The following MACF1 variants were observed in gnomAD, a reference collection of about 807,000 sequenced individuals.
MACF1 encodes the protein microtubule actin crosslinking factor 1.
Under a neutral mutation model 854.8 loss-of-function variants are expected in MACF1, and 193 were observed. The ratio of observed to expected loss-of-function variants is 0.23; its 90% CI spans 0.20 to 0.25. MACF1 has a LOEUF of 0.25. Ranked by LOEUF, MACF1 falls within the 10% of genes least tolerant of loss-of-function variation. The pLI, the probability that MACF1 is intolerant of heterozygous loss-of-function variation, is 1.00. For synonymous variants in MACF1, 3,185 were observed against 3,226.7 expected (o/e 0.99, Z 0.44); for missense variants, 7,722 against 8,929.1 (o/e 0.86, Z 5.45).
chr1:39,249,307 G>A (rs56383842), intron 2 of MACF1, among the ~76,000 whole-genome samples: 6,433 of 152,220 alleles, frequency 0.042, 212 homozygotes, highest in Non-Finnish European at 0.065. Context: ...TTTCCACTTG[G>A]TGACCTTGGG....
chr1:39,105,474 C>T lies in MACF1; in HGVS notation c.220+21036C>T. On this transcript the variant is annotated intron_variant, in intron 2 of 93. Coordinates refer to the MACF1 transcript ENST00000361689. The surrounding 1 kb of genome is among the most constrained non-coding windows in gnomAD (Gnocchi z 5.9). ...TGAGGAGCGGAGCGCGACTGCCGGG[C>T]CGGGCGAGGCGGGCGGACGGCGGAG... 1 of 1,009,402 alleles carries T rather than the reference C, an allele frequency of 9.9e-7. No individual in the cohort carries two copies. The highest frequency in any genetic ancestry group is 1.2e-6 in the Non-Finnish European group (1 of 846,948). 62.5% of individuals were successfully genotyped at this position (1,009,402 alleles called of 1,614,324 possible).
intron 1 of MACF1, among the ~76,000 whole-genome samples, chr1:39,218,182 C>CA (rs36113375): frequency 0.51 from 43,458 of 84,766 alleles, 12,185 homozygotes; most frequent in South Asian, 0.64. Context: ...GACTCCGTCT[C>CA]AAAAAAAAAA....
In MACF1 at chr1:39,105,443, G is replaced by C. The variant is rs1642204389; in HGVS notation, c.220+21005G>C. On this transcript the variant is annotated intron_variant, in intron 2 of 93. Transcript: ENST00000361689. The surrounding 1 kb of genome is among the most constrained non-coding windows in gnomAD (Gnocchi z 5.9). ...CGGAGCGCGAGCGGGCCGGGTGCGA[G>C]CGGACTGAGGAGCGGAGCGCGACTG... 1.0e-6 allele frequency: 1 copy of C among 994,456 alleles called. No homozygotes were observed. Among genetic ancestry groups the C allele is most frequent in the African/African-American group, 1.8e-5 (1 of 57,112 alleles). The allele number at this position is 994,456 out of a possible 1,614,324, so 61.6% of individuals were successfully genotyped here. A position where few individuals can be genotyped will look rare whatever the true frequency, so the allele number is the denominator to read the frequency against.
intron 2 of MACF1, among the ~76,000 whole-genome samples, chr1:39,117,060 G>A (rs1292315095): frequency 6.6e-6 from 1 of 152,138 alleles, no homozygotes; most frequent in East Asian, 1.9e-4. Context: ...GTTTATTTTG[G>A]CAGGCAGGCA....
intron 47 of MACF1, among the ~76,000 whole-genome samples, chr1:39,360,052 T>TATATATATATATAC (rs1197982446): frequency 4.0e-5 from 2 of 49,884 alleles, no homozygotes; most frequent in South Asian, 7.0e-4. Flanking sequence ...TATATATATA[T>TATATATATATATAC]ACACACACAC....
chr1:39,120,852 G>C (rs1642686396), intron 2 of MACF1: 1 of 152,180 alleles, frequency 6.6e-6, no homozygotes, highest in Non-Finnish European at 1.5e-5. Context: ...TACACTCTAA[G>C]TTATTTTAAA....
At chr1:39,243,228 C>G (rs1644945529) in intron 2 of MACF1, among the ~76,000 whole-genome samples, 1 of 152,142 alleles carries the variant, frequency 6.6e-6, no homozygotes, top group African/African-American at 2.4e-5. Flanking sequence ...ATTTATATAT[C>G]TTCTCTGGAC....
intron 2 of MACF1, among the ~76,000 whole-genome samples, chr1:39,085,643 G>A (rs1641652632): frequency 6.6e-6 from 1 of 152,000 alleles, no homozygotes; most frequent in African/African-American, 2.4e-5. Flanking sequence ...ATGAAGTGCT[G>A]CCTGTACAAC....
Position 39,293,476 on chromosome 1 carries a change from A to T in MACF1, c.2011A>T (p.Met671Leu). 1.2e-6 allele frequency: 2 copies of T among 1,612,196 alleles called. No homozygotes were observed. Among genetic ancestry groups the T allele is most frequent in the South Asian group, 2.2e-5 (2 of 90,832 alleles). Residue 671 changes from methionine to leucine, a missense_variant, in exon 18 of 101, where the codon ATG becomes TTG. This residue lies in a region of MACF1 where 1,137 missense variants were observed against 1,263.0 expected (regional missense o/e 0.90). Coordinates refer to ENST00000564288, the MANE Select transcript of MACF1 (RefSeq NM_001394062.1). ...CKLKETSSFR[M>L]RHLQSLHKFV... ...TGTCTAGGAAACTTCTAGCTTCCGG[A>T]TGAGGCACCTTCAGAGCCTGCATAA... is the stretch of plus-strand genomic sequence containing the variant.
At chr1:39,196,564 G>T (rs772080768) in intron 2 of MACF1, among the ~76,000 whole-genome samples, 17 of 152,066 alleles carry the variant, frequency 1.1e-4, no homozygotes, top group African/African-American at 3.9e-4. Flanking sequence ...CAGTCCTATC[G>T]GTTATGTGCT....
Position 39,442,533 on chromosome 1 carries a change from C to T in MACF1, c.19070C>T (p.Pro6357Leu), listed in dbSNP as rs1190036986. ...LDAQRPISGDPKVIEVELAKH... is the reference protein window; with the variant it reads ...LDAQRPISGDLKVIEVELAKH... Reference sequence around the variant, plus strand: ...GCTCAGAGACCAATAAGTGGAGACCCAAAAGTCATTGAAGTTGAGCTCGCA... The same window carrying T: ...GCTCAGAGACCAATAAGTGGAGACCTAAAAGTCATTGAAGTTGAGCTCGCA... Residue 6357 changes from proline (P) to leucine (L), a missense_variant, in exon 77 of 101, where the codon CCA (proline) becomes CTA (leucine). Pro to Leu is a moderately conservative substitution (Grantham distance 98). Coordinates refer to ENST00000564288, the MANE Select transcript of MACF1 (RefSeq NM_001394062.1). 6 of 1,614,024 alleles carry T rather than the reference C, an allele frequency of 3.7e-6. No homozygotes were observed. The highest frequency in any genetic ancestry group is 5.1e-6 in the Non-Finnish European group (6 of 1,180,032).
Position 39,428,277 on chromosome 1 carries a change from C to G in MACF1, c.16793C>G (p.Ala5598Gly). 1 of 1,608,128 alleles carries G rather than the reference C, an allele frequency of 6.2e-7. No individual in the cohort carries two copies. Among genetic ancestry groups the G allele is most frequent in the Non-Finnish European group, 8.5e-7 (1 of 1,176,624 alleles). The change falls in exon 63 of 101, where the codon GCT (alanine) becomes GGT (glycine). Residue 5598 changes from alanine to glycine, a missense_variant. Physicochemically the swap from Ala to Gly is moderately conservative, Grantham distance 60. Coordinates refer to ENST00000564288, the MANE Select transcript of MACF1 (RefSeq NM_001394062.1). ...FKQDVLHRQH[A>G]DHLALNEEIV... ...CAGGATGTCCTGCACAGGCAGCATG[C>G]TGACCACCTGGTATTCATGTTTCCA... is the stretch of plus-strand genomic sequence containing the variant.
chr1:39,201,448 A>G (rs1644388823), upstream of MACF1, among the ~76,000 whole-genome samples: 1 of 151,778 alleles, frequency 6.6e-6, no homozygotes, highest in South Asian at 2.1e-4. Flanking sequence ...CGCCTCCTGG[A>G]TTCAAGCGAT....
intron 2 of MACF1, among the ~76,000 whole-genome samples, chr1:39,106,262 A>G (rs766151056): frequency 2.0e-5 from 3 of 151,952 alleles, no homozygotes; most frequent in Non-Finnish European, 4.4e-5. Context: ...TTTGGTGGCG[A>G]GACCTTACCC....
chr1:39,484,826 G>A (rs995605050), intron 100 of MACF1, 96 bp downstream of exon 100: 4 of 1,430,266 alleles, frequency 2.8e-6, no homozygotes, highest in Non-Finnish European at 3.9e-6. Context: ...CGGGTAATGA[G>A]AGTGGCACTT....
At chr1:39,249,518 AATT>A (rs1332835636) in intron 2 of MACF1, among the ~76,000 whole-genome samples, 2 of 152,210 alleles carry the variant, frequency 1.3e-5, no homozygotes, top group African/African-American at 2.4e-5. Flanking sequence ...CCACAAAGAA[AATT>A]ATTCTGAAAT....
At chr1:39,305,337 A>G (rs1456980496) in intron 23 of MACF1, among the ~76,000 whole-genome samples, 1 of 151,950 alleles carries the variant, frequency 6.6e-6, no homozygotes, top group East Asian at 1.9e-4. Flanking sequence ...GTTATACTGC[A>G]AAGTTTATTA....
intron 11 of MACF1, among the ~76,000 whole-genome samples, chr1:39,284,829 G>A (rs1159983874): frequency 6.6e-6 from 1 of 152,178 alleles, no homozygotes; most frequent in Non-Finnish European, 1.5e-5. Context: ...GAGGGGAAAG[G>A]AGGATTTATA....
intron 25 of MACF1, among the ~76,000 whole-genome samples, 179 bp downstream of exon 25, chr1:39,310,607 G>A (rs893089146): frequency 6.6e-6 from 1 of 152,226 alleles, no homozygotes; most frequent in African/African-American, 2.4e-5. Context: ...CATGGAAGAA[G>A]TCTGTTGATA....
Sources: gnomAD v4.1 joint callset for allele counts (sites outside exome capture counted in the v4.1 genomes callset) on GRCh38, gnomAD v4.1.1 for gene constraint, gnomAD v4.1.1 regional missense constraint, Gnocchi (gnomAD v3.1) non-coding constraint, MANE v1.5 for transcripts, NCBI Gene and HGNC (gene_info 2026-07-23, HGNC 2026-07-21) for gene names.